MARCHF8: variants seen among roughly 807,000 people sequenced by gnomAD.
The protein encoded by MARCHF8 is membrane associated ring-CH-type finger 8.
In MARCHF8, 40 loss-of-function variants were observed where a neutral mutation model predicts 51.6. The ratio of observed to expected loss-of-function variants is 0.77; its 90% CI spans 0.60 to 1.01. The LOEUF is 1.01. Among genes scored for constraint, MARCHF8 ranks in the 50% least tolerant of loss-of-function variants. The probability of loss-of-function intolerance (pLI) is 0.00; values close to 1 mark genes in which losing one functional copy is unlikely to be tolerated. For missense variants in MARCHF8, 685 were observed against 708.6 expected (o/e 0.97, Z 0.38); for synonymous variants, 263 against 280.3 (o/e 0.94, Z 0.62).
chr10:45,463,675 T>C lies in MARCHF8; in HGVS notation c.564A>G (p.Gln188=), dbSNP rs1156858001. ...ACCTGTTAGTTCTGAGACACGTATC[T>C]TGAGGGAGTATTAATTTCCCTTCAG... The part of the protein sequence containing the change: ...TCSEGKLILP[Q]DTCLRTNRFH... The change falls in exon 5 of 8, where the codon CAA becomes CAG. Residue 188 remains glutamine, a synonymous_variant. Coordinates refer to ENST00000453424, the MANE Select transcript of MARCHF8 (RefSeq NM_001282866.2). 2.3e-5 allele frequency: 35 copies of C among 1,550,720 alleles called. No individual in the cohort carries two copies. The highest frequency in any genetic ancestry group is 3.0e-5 in the Non-Finnish European group (34 of 1,147,052).
At chr10:45,546,542 G>A (rs975604984) in intron 1 of MARCHF8, among the ~76,000 whole-genome samples, 29 of 152,160 alleles carry the variant, frequency 1.9e-4, no homozygotes, top group African/African-American at 6.3e-4. Context: ...GGCACTTTAG[G>A]AAGCCAAGGC....
In MARCHF8 at chr10:45,463,241, G is replaced by A. The variant is rs754217757; in HGVS notation, c.998C>T (p.Thr333Met). 5.2e-6 allele frequency: 8 copies of A among 1,550,838 alleles called. No individual in the cohort carries two copies. The highest frequency in any genetic ancestry group is 1.7e-4 in the Middle Eastern group (1 of 5,996). The change falls in exon 5 of 8, where the codon ACG (threonine) becomes ATG (methionine). Residue 333 changes from threonine to methionine, a missense_variant. Transcript: ENST00000453424. ...SRVLRAPLCS[T>M]EKDSDLDCPS... ...ACAATCCAGGTCGCTGTCCTTTTCC[G>A]TGGAGCAGAGGGGCGCCCGCAGAAC...
At chr10:45,565,958 A>C (rs1256590220) in intron 1 of MARCHF8, among the ~76,000 whole-genome samples, 1 of 152,174 alleles carries the variant, frequency 6.6e-6, no homozygotes, top group Non-Finnish European at 1.5e-5. Context: ...TTCTTGTCTG[A>C]GTGAAGCTTA....
intron 1 of MARCHF8, among the ~76,000 whole-genome samples, chr10:45,588,993 C>T (rs1298550431): frequency 5.8e-5 from 5 of 86,004 alleles, no homozygotes; most frequent in South Asian, 8.6e-4. Context: ...AGCAAGACTA[C>T]GTTTCAAAAA....
At chr10:45,459,941 G>A (rs1192808154) in intron 6 of MARCHF8, 14 of 965,848 alleles carry the variant, frequency 1.4e-5, no homozygotes, top group Non-Finnish European at 1.7e-5. Flanking sequence ...TAAACACTCT[G>A]CACATATCCT....
At chr10:45,489,148 A>C (rs1346031923) in intron 3 of MARCHF8, among the ~76,000 whole-genome samples, 1 of 152,014 alleles carries the variant, frequency 6.6e-6, no homozygotes, top group Non-Finnish European at 1.5e-5. Context: ...AAAAAATGGA[A>C]TTTTCTCCCA....
At chr10:45,494,075 G>A (rs909787847) in intron 2 of MARCHF8, among the ~76,000 whole-genome samples, 5 of 152,228 alleles carry the variant, frequency 3.3e-5, no homozygotes, top group Non-Finnish European at 5.9e-5. Context: ...GGTACAGATT[G>A]GGAAAGACTG....
chr10:45,568,969 G>A (rs967070651), intron 1 of MARCHF8, among the ~76,000 whole-genome samples: 1 of 149,608 alleles, frequency 6.7e-6, no homozygotes. Context: ...GGAGGCTGAG[G>A]CAGGAGAATG....
intron 1 of MARCHF8, among the ~76,000 whole-genome samples, chr10:45,571,591 C>T (rs921646772): frequency 9.9e-5 from 15 of 152,106 alleles, no homozygotes; most frequent in Admixed American, 7.9e-4. Context: ...TGACTCGGAT[C>T]GGCGGACCTC....
intron 1 of MARCHF8, among the ~76,000 whole-genome samples, chr10:45,541,804 A>G (rs1338939896): frequency 6.6e-6 from 1 of 152,194 alleles, no homozygotes; most frequent in East Asian, 1.9e-4. Flanking sequence ...GCTAATGTTT[A>G]TGAACATATT....
At chr10:45,479,152 T>A (rs2042840476) in intron 3 of MARCHF8, among the ~76,000 whole-genome samples, 2 of 152,156 alleles carry the variant, frequency 1.3e-5, no homozygotes, top group Non-Finnish European at 2.9e-5. Context: ...AGTACACGAT[T>A]AAGGGAATTT....
chr10:45,496,533 A>C (rs2043177920), intron 2 of MARCHF8, among the ~76,000 whole-genome samples: 1 of 152,162 alleles, frequency 6.6e-6, no homozygotes, highest in African/African-American at 2.4e-5. Flanking sequence ...AAATGAAGAT[A>C]ATAAGGAGTG....
At chr10:45,545,140 T>C (rs2044104104) in intron 1 of MARCHF8, among the ~76,000 whole-genome samples, 1 of 151,072 alleles carries the variant, frequency 6.6e-6, no homozygotes, top group Non-Finnish European at 1.5e-5. Flanking sequence ...TCATTAACAA[T>C]GTTCACAGAA....
At position 45,458,384 on chromosome 10, in the gene MARCHF8, G is replaced by C. The variant is rs758474172; in HGVS notation, c.1577C>G (p.Thr526Arg). Reference protein sequence around the residue: ...RVIYVQNCPETSKKNIFEKSP... With the variant: ...RVIYVQNCPERSKKNIFEKSP... Reference sequence around the variant, plus strand: ...TTTTTCAAAAATATTCTTTTTGCTTGTTTCTGGACAGTTTTGAACATAGAT... The same window carrying C: ...TTTTTCAAAAATATTCTTTTTGCTTCTTTCTGGACAGTTTTGAACATAGAT... Residue 526 changes from threonine to arginine, a missense_variant, in exon 8 of 8, where the codon ACA (threonine) becomes AGA (arginine). Thr to Arg is a moderately conservative substitution (Grantham distance 71). Coordinates refer to ENST00000453424, the MANE Select transcript of MARCHF8 (RefSeq NM_001282866.2). 1.2e-6 allele frequency: 2 copies of C among 1,614,066 alleles called. No homozygotes were observed. The highest frequency in any genetic ancestry group is 1.6e-4 in the Middle Eastern group (1 of 6,062).
At chr10:45,537,466 A>AAG (rs1353571307), upstream of MARCHF8, among the ~76,000 whole-genome samples, 2 of 152,036 alleles carry the variant, frequency 1.3e-5, no homozygotes, top group African/African-American at 4.8e-5. Context: ...CAGCCTGGGC[A>AAG]ACATGGCAAA....
At chr10:45,524,433 C>A (rs1316096760) in intron 2 of MARCHF8, among the ~76,000 whole-genome samples, 1 of 152,134 alleles carries the variant, frequency 6.6e-6, no homozygotes, top group Non-Finnish European at 1.5e-5. Context: ...AAACAGGTGA[C>A]AAAGAAATTC....
intron 1 of MARCHF8, among the ~76,000 whole-genome samples, chr10:45,569,072 A>AC (rs978532619): frequency 1.3e-5 from 2 of 150,930 alleles, no homozygotes; most frequent in African/African-American, 2.4e-5. Flanking sequence ...CTCAAAAAAA[A>AC]AAAAAAAAAA....
chr10:45,482,464 C>T (rs1393737363), intron 3 of MARCHF8, among the ~76,000 whole-genome samples: 1 of 152,144 alleles, frequency 6.6e-6, no homozygotes, highest in African/African-American at 2.4e-5. Context: ...GTTATAAAAA[C>T]AGATACAGGC....
At chr10:45,469,529 G>A (rs1843087054) in intron 3 of MARCHF8, among the ~76,000 whole-genome samples, 1 of 152,104 alleles carries the variant, frequency 6.6e-6, no homozygotes, top group Non-Finnish European at 1.5e-5. Context: ...AGGTAATTTT[G>A]TCTCTCAGAT....
Sources: gnomAD v4.1 joint callset for allele counts (sites outside exome capture counted in the v4.1 genomes callset) on GRCh38, gnomAD v4.1.1 for gene constraint, MANE v1.5 for transcripts, NCBI Gene and HGNC (gene_info 2026-07-23, HGNC 2026-07-21) for gene names.